PROM1: variants seen among roughly 807,000 people sequenced by gnomAD.
PROM1 encodes prominin 1.
PROM1 carries 105 observed loss-of-function variants against 116.9 expected under a neutral mutation model. The ratio of observed to expected loss-of-function variants is 0.90; its 90% CI spans 0.77 to 1.06. The LOEUF (loss-of-function observed/expected upper bound fraction) is 1.06, where lower values mean the gene tolerates loss of function less well. Among genes scored for constraint, PROM1 ranks in the 50% least tolerant of loss-of-function variants. The pLI is 0.00. For missense variants in PROM1, 1,122 were observed against 1,045.2 expected (o/e 1.07, Z -1.01); for synonymous variants, 393 against 387.0 (o/e 1.02, Z -0.18).
Position 16,023,403 on chromosome 4 carries a change from A to C in PROM1, c.707T>G (p.Val236Gly). 1 of 1,600,470 alleles carries C rather than the reference A, an allele frequency of 6.2e-7. No homozygotes were observed. Among genetic ancestry groups the C allele is most frequent in the Non-Finnish European group, 8.5e-7 (1 of 1,172,198 alleles). Residue 236 changes from valine to glycine, a missense_variant, in exon 8 of 28, where the codon GTG (valine) becomes GGG (glycine). Physicochemically the swap from Val to Gly is moderately radical, Grantham distance 109. Transcript: ENST00000447510. ...AFTDLNSINS[V>G]LGGGILDRLR... ...TCGGTCAAGAATTCCGCCTCCTAGC[A>C]CTGAATTGATACCTACATGCAAATA...
At chr4:16,027,116 T>C (rs75375984) in intron 5 of PROM1, among the ~76,000 whole-genome samples, 5,247 of 152,280 alleles carry the variant, frequency 0.034, 118 homozygotes, top group Admixed American at 0.058. Flanking sequence ...ATGGTAATCT[T>C]ATAAAATAAA....
At chr4:15,991,595 CTT>C (rs745602988) in intron 17 of PROM1, among the ~76,000 whole-genome samples, 79 of 141,086 alleles carry the variant, frequency 5.6e-4, no homozygotes, top group Non-Finnish European at 5.8e-4. Flanking sequence ...GTTACGTAAT[CTT>C]TTTTTTTTTT....
intron 8 of PROM1, 144 bp downstream of exon 8, chr4:16,023,182 G>A (rs367577711): frequency 3.8e-5 from 27 of 702,160 alleles, no homozygotes; most frequent in East Asian, 3.6e-4. Context: ...GCAACACAGT[G>A]TCTTGACCTG....
intron 15 of PROM1, 73 bp downstream of exon 15, chr4:15,998,312 C>A: frequency 6.9e-7 from 1 of 1,459,362 alleles, no homozygotes. Context: ...TTTAAAAACA[C>A]TTCAAATGCA....
intron 13 of PROM1, among the ~76,000 whole-genome samples, chr4:16,004,829 T>C (rs142125283): frequency 2.3e-3 from 211 of 90,190 alleles, no homozygotes; most frequent in African/African-American, 5.4e-3. Flanking sequence ...CTTTCTTTCT[T>C]TTTCTTCCTT....
chr4:15,979,385 T>A lies in PROM1; in HGVS notation c.2582+10A>T. 1 of 1,613,780 alleles carries A rather than the reference T, an allele frequency of 6.2e-7. No homozygotes were observed. Among genetic ancestry groups the A allele is most frequent in the African/African-American group, 1.3e-5 (1 of 75,032 alleles). ...ATAGGGCGGGCATGCACTTCCAGAC[T>A]TTGCTTTACCTTGTCATAACAGGAT... is the stretch of plus-strand genomic sequence containing the variant. On this transcript the variant is annotated intron_variant, in intron 26 of 27. Coordinates refer to ENST00000447510, the MANE Select transcript of PROM1 (RefSeq NM_006017.3).
Position 15,979,891 on chromosome 4 carries a change from G to T in PROM1, c.2503C>A (p.Pro835Thr). 2 of 1,449,026 alleles carry T rather than the reference G, an allele frequency of 1.4e-6. No homozygotes were observed. Among genetic ancestry groups the T allele is most frequent in the South Asian group, 2.6e-5 (2 of 77,608 alleles). 89.8% of individuals were successfully genotyped at this position (1,449,026 alleles called of 1,614,324 possible). The change falls in exon 25 of 28, where the codon CCC becomes ACC. Residue 835 changes from proline (P) to threonine (T), a missense_variant. Coordinates refer to ENST00000447510, the MANE Select transcript of PROM1 (RefSeq NM_006017.3). ...TTTAAAAAGGCTTACTTTTTCATGG[G>T]TATAGTTTCAACACTATAAAATACA... ...EDVYDDVETIPMKNMENGNNG... is the reference protein window; with the variant it reads ...EDVYDDVETITMKNMENGNNG...
chr4:16,000,703 A>G, intron 13 of PROM1, 84 bp from the exon 14 acceptor site: 2 of 1,193,826 alleles, frequency 1.7e-6, no homozygotes, highest in East Asian at 2.6e-5. Flanking sequence ...CCTATACTCT[A>G]TAAAATAGCC....
chr4:16,031,267 T>C (rs144885470), intron 5 of PROM1, among the ~76,000 whole-genome samples: 6 of 152,214 alleles, frequency 3.9e-5, no homozygotes, highest in Admixed American at 2.6e-4. Flanking sequence ...AGTCTCATCT[T>C]TGAGGTCCAG....
chr4:16,009,241 G>A, intron 11 of PROM1, 133 bp from the exon 12 acceptor site: 1 of 724,944 alleles, frequency 1.4e-6, no homozygotes, highest in East Asian at 2.7e-5. Flanking sequence ...AATATGGTAA[G>A]ATTCTTCAAC....
At chr4:16,061,302 T>C (rs1740259763) in intron 2 of PROM1, among the ~76,000 whole-genome samples, 1 of 152,202 alleles carries the variant, frequency 6.6e-6, no homozygotes, top group Non-Finnish European at 1.5e-5. Flanking sequence ...AACAACGGAA[T>C]GTCAACCCTG....
intron 2 of PROM1, among the ~76,000 whole-genome samples, chr4:16,063,157 G>C (rs1740743165): frequency 6.6e-6 from 1 of 152,162 alleles, no homozygotes; most frequent in Non-Finnish European, 1.5e-5. Flanking sequence ...AAATGCAGTA[G>C]ACAGAGGAAC....
intron 2 of PROM1, among the ~76,000 whole-genome samples, chr4:16,069,366 C>T (rs1203528321): frequency 1.3e-5 from 2 of 152,234 alleles, no homozygotes; most frequent in Non-Finnish European, 2.9e-5. Context: ...CTGGTCAGAA[C>T]TTATGCCAAG....
rs188846185 is a variant in PROM1, at chr4:16,052,073, A to T, written c.221-13072T>A. The stretch of plus-strand genomic sequence containing the variant: ...ACAAACCAGCTTCTCTGTTGGATCT[A>T]TATCTACGCCTGTTTATGAGCTATG... On this transcript the variant is annotated intron_variant, in intron 2 of 27. Transcript: ENST00000447510. 1.6e-4 allele frequency among the ~76,000 whole-genome samples: 24 copies of T among 152,308 alleles called. 2 individuals carry two copies. In the East Asian group the frequency reaches 4.6e-3, roughly 29 times the overall value.
intron 2 of PROM1, chr4:16,055,400 C>T (rs1245298415): frequency 2.2e-6 from 1 of 456,232 alleles, no homozygotes; most frequent in Non-Finnish European, 4.4e-6. Flanking sequence ...CATTTGGCTG[C>T]AGGGTCTTAA....
rs1415905884 is a variant in PROM1 at position 16,076,048 on chromosome 4, C to T, written c.-142G>A. 7.0e-6 allele frequency: 10 copies of T among 1,430,786 alleles called. No individual in the cohort carries two copies. Among genetic ancestry groups the T allele is most frequent in the Non-Finnish European group, 9.2e-6 (10 of 1,091,240 alleles). The allele number at this position is 1,430,786 out of a possible 1,614,324, so 88.6% of individuals were successfully genotyped here. A position where few individuals can be genotyped will look rare whatever the true frequency, so the allele number is the denominator to read the frequency against. Reference sequence around the variant, plus strand: ...ATCTGCTGAATCTTCAGTTTTCTGTCTGAGGCTGGCTTGAGGCGAGGGATG... The same window carrying T: ...ATCTGCTGAATCTTCAGTTTTCTGTTTGAGGCTGGCTTGAGGCGAGGGATG... On this transcript the variant is annotated 5_prime_UTR_variant, in exon 2 of 28. Transcript: ENST00000447510.
chr4:16,052,641 T>C (rs1441471036), intron 2 of PROM1, among the ~76,000 whole-genome samples: 1 of 152,088 alleles, frequency 6.6e-6, no homozygotes, highest in Non-Finnish European at 1.5e-5. Context: ...CCAACATGCC[T>C]GGCTAATGTT....
intron 26 of PROM1, among the ~76,000 whole-genome samples, chr4:15,978,037 G>A (rs1467725558): frequency 6.6e-6 from 1 of 152,154 alleles, no homozygotes; most frequent in South Asian, 2.1e-4. Context: ...TCTCATTAAC[G>A]CCCTTAGAGA....
Position 15,989,757 on chromosome 4 carries a change from C to G in PROM1, c.2051G>C (p.Arg684Pro). ...AQTIKTIHQQ[R>P]VLPIEQSLST... is the part of the protein sequence containing the mutation. ...CAGTGATTGTTCTATAGGAAGGACT[C>G]GTTGCTGGTGAATTGTTTTAATAGT... The change falls in exon 19 of 28, where the codon CGA (arginine) becomes CCA (proline). Residue 684 changes from arginine (R) to proline (P), a missense_variant. Transcript: ENST00000447510. 1 of 1,608,176 alleles carries G rather than the reference C, an allele frequency of 6.2e-7. No homozygotes were observed. The highest frequency in any genetic ancestry group is 8.5e-7 in the Non-Finnish European group (1 of 1,176,576).
Sources: allele counts gnomAD v4.1 joint callset (sites outside exome capture counted in the v4.1 genomes callset), GRCh38; gene constraint gnomAD v4.1.1; transcripts MANE v1.5; gene names NCBI Gene and HGNC (gene_info 2026-07-23, HGNC 2026-07-21).